Variants in GPR158 observed in about 807,000 individuals in gnomAD.
The protein encoded by GPR158 is G protein-coupled receptor 158, also known as metabotropic glycine receptor.
GPR158 carries 30 observed loss-of-function variants against 78.2 expected under a neutral mutation model. The ratio of observed to expected loss-of-function variants is 0.38; its 90% CI spans 0.29 to 0.52. The LOEUF is 0.52. GPR158 is among the 20% of genes least tolerant of loss of function. The pLI is 0.83. For synonymous variants in GPR158, 581 were observed against 591.1 expected, an observed-to-expected ratio of 0.98 and a Z score of 0.25; for missense variants, 1,463 against 1,523.5, an observed-to-expected ratio of 0.96 and a Z score of 0.66.
intron 2 of GPR158, among the ~76,000 whole-genome samples, chr10:25,294,545 C>T (rs147102605): frequency 6.6e-6 from 1 of 152,138 alleles, no homozygotes; most frequent in East Asian, 1.9e-4. Flanking sequence ...ACCTGACTAT[C>T]ACTGCTTTGT....
chr10:25,439,477 G>A (rs1034875878), intron 4 of GPR158, among the ~76,000 whole-genome samples: 1 of 152,102 alleles, frequency 6.6e-6, no homozygotes, highest in Non-Finnish European at 1.5e-5. Flanking sequence ...CAAGTCTCCT[G>A]TCTCTGAAAA....
intron 2 of GPR158, among the ~76,000 whole-genome samples, chr10:25,308,647 T>C (rs1854719093): frequency 6.6e-6 from 1 of 152,146 alleles, no homozygotes; most frequent in Non-Finnish European, 1.5e-5. Context: ...ATCACCACTC[T>C]CCATTTCCAG....
intron 1 of GPR158, among the ~76,000 whole-genome samples, chr10:25,190,926 T>C (rs1230620782): frequency 3.9e-5 from 6 of 152,192 alleles, no homozygotes; most frequent in African/African-American, 9.6e-5. Context: ...TAAGAGACAA[T>C]GTTGTGAATA....
At chr10:25,562,093 C>CA (rs1836868271) in intron 6 of GPR158, among the ~76,000 whole-genome samples, 1 of 145,138 alleles carries the variant, frequency 6.9e-6, no homozygotes, top group South Asian at 2.2e-4. Context: ...ATTTACATAA[C>CA]AAAATTCACC....
intron 6 of GPR158, among the ~76,000 whole-genome samples, chr10:25,568,617 G>A (rs7100209): frequency 0.28 from 42,840 of 152,080 alleles, 10,803 homozygotes; most frequent in African/African-American, 0.65. Flanking sequence ...CTTATGGTGA[G>A]CTATATAGCT....
intron 2 of GPR158, among the ~76,000 whole-genome samples, chr10:25,302,030 GATCT>G (rs1854603000): frequency 6.7e-6 from 1 of 150,296 alleles, no homozygotes; most frequent in Non-Finnish European, 1.5e-5. Context: ...ATGTTTGTGA[GATCT>G]ATCTGTTTAT....
At position 25,332,180 on chromosome 10, in the gene GPR158, G is replaced by A. The variant is rs116854621; in HGVS notation, c.1009-63731G>A. ...ATTCTGATTCAGTAGATGGGAGGAG[G>A]GCAGCAGTTTCCCAGTGATTCTGAT... On this transcript the variant is annotated intron_variant, in intron 2 of 10. Transcript: ENST00000376351. Among the ~76,000 whole-genome samples, 746 of 152,212 alleles carry A rather than the reference G, an allele frequency of 4.9e-3. 4 individuals are homozygous for A. Among genetic ancestry groups the A allele is most frequent in the Non-Finnish European group, 9.2e-3 (628 of 68,002 alleles).
At chr10:25,469,857 C>CCTGGT (rs992445732) in intron 5 of GPR158, among the ~76,000 whole-genome samples, 1 of 150,828 alleles carries the variant, frequency 6.6e-6, no homozygotes, top group Non-Finnish European at 1.5e-5. Context: ...ACTGCTACCA[C>CCTGGT]CTGGTCTAAA....
At chr10:25,239,092 A>C (rs1395120815) in intron 2 of GPR158, among the ~76,000 whole-genome samples, 1 of 152,164 alleles carries the variant, frequency 6.6e-6, no homozygotes, top group Non-Finnish European at 1.5e-5. Context: ...TGGAGAGTAC[A>C]TGGAGTGAAG....
At chr10:25,456,525 T>A (rs973732085) in intron 4 of GPR158, among the ~76,000 whole-genome samples, 5 of 152,212 alleles carry the variant, frequency 3.3e-5, no homozygotes, top group African/African-American at 1.2e-4. Flanking sequence ...ACTGATGAGT[T>A]CTAGCAACCA....
At chr10:25,368,979 A>G (rs1335781742) in intron 2 of GPR158, among the ~76,000 whole-genome samples, 2 of 146,794 alleles carry the variant, frequency 1.4e-5, no homozygotes, top group Non-Finnish European at 3.0e-5. Flanking sequence ...TTTGTCTGTT[A>G]TTGGTGTATA....
chr10:25,262,591 T>C (rs1471500718), intron 2 of GPR158, among the ~76,000 whole-genome samples: 1 of 152,150 alleles, frequency 6.6e-6, no homozygotes, highest in Non-Finnish European at 1.5e-5. Context: ...CAATTCCAGG[T>C]TCAAACCAAA....
At chr10:25,311,026 G>A (rs1333538647) in intron 2 of GPR158, among the ~76,000 whole-genome samples, 1 of 151,732 alleles carries the variant, frequency 6.6e-6, no homozygotes, top group Admixed American at 6.6e-5. Context: ...TTCTATTTTG[G>A]GTTTACTTCT....
At chr10:25,541,182 CTTA>C (rs1836577964) in intron 5 of GPR158, among the ~76,000 whole-genome samples, 1 of 151,718 alleles carries the variant, frequency 6.6e-6, no homozygotes, top group Non-Finnish European at 1.5e-5. Context: ...AAAATAATAT[CTTA>C]TTATAATAAA....
At chr10:25,364,359 C>G (rs201405726) in intron 2 of GPR158, among the ~76,000 whole-genome samples, 1 of 151,830 alleles carries the variant, frequency 6.6e-6, no homozygotes, top group African/African-American at 2.4e-5. Flanking sequence ...TAATCAGAAC[C>G]GTTTGTTAAT....
At chr10:25,539,617 C>T (rs965628826) in intron 5 of GPR158, among the ~76,000 whole-genome samples, 4 of 151,504 alleles carry the variant, frequency 2.6e-5, no homozygotes, top group African/African-American at 9.7e-5. Context: ...CACATTAACC[C>T]CCAAATCTTG....
chr10:25,421,337 T>A (rs552166961), intron 4 of GPR158, among the ~76,000 whole-genome samples: 1 of 152,184 alleles, frequency 6.6e-6, no homozygotes, highest in Non-Finnish European at 1.5e-5. Context: ...GCAATTGATG[T>A]TCCTCCTTCG....
chr10:25,359,333 C>T (rs1855597212), intron 2 of GPR158, among the ~76,000 whole-genome samples: 2 of 151,970 alleles, frequency 1.3e-5, no homozygotes, highest in African/African-American at 4.8e-5. Flanking sequence ...TAGGTATACA[C>T]ATGCCATGGT....
chr10:25,420,487 T>G (rs373089204), intron 4 of GPR158, among the ~76,000 whole-genome samples: 1 of 152,170 alleles, frequency 6.6e-6, no homozygotes, highest in African/African-American at 2.4e-5. Context: ...GTGTATCTAT[T>G]TTTTCTTTTG....
Sources: allele counts gnomAD v4.1 joint callset (sites outside exome capture counted in the v4.1 genomes callset), GRCh38; gene constraint gnomAD v4.1.1; transcripts MANE v1.5; gene names NCBI Gene and HGNC (gene_info 2026-07-23, HGNC 2026-07-21).